The following TPRG1 variants were observed in gnomAD, a reference collection of about 807,000 sequenced individuals.
The protein encoded by TPRG1 is tumor protein p63 regulated 1, also known as tumor protein p63-regulated gene 1 protein.
TPRG1 carries 29 observed loss-of-function variants against 29.3 expected under a neutral mutation model. The observed-to-expected ratio is 0.99, with a 90% CI of 0.74 to 1.35. TPRG1 has a LOEUF of 1.35. TPRG1 is among the 40% of genes most tolerant of loss of function. The pLI is 0.00. For synonymous variants in TPRG1, 130 were observed against 116.8 expected, an observed-to-expected ratio of 1.11 and a Z score of -0.73; for missense variants, 327 against 335.0, an observed-to-expected ratio of 0.98 and a Z score of 0.19.
chr3:189,062,402 T>C (rs1322172258), intron 4 of TPRG1, among the ~76,000 whole-genome samples: 1 of 152,120 alleles, frequency 6.6e-6, no homozygotes, highest in African/African-American at 2.4e-5. Flanking sequence ...AGTTTAACTA[T>C]ATGTCAAACC....
chr3:189,163,942 G>T (rs755514624), intron 5 of TPRG1, among the ~76,000 whole-genome samples: 3 of 135,942 alleles, frequency 2.2e-5, no homozygotes, highest in Non-Finnish European at 4.6e-5. Flanking sequence ...ATAGTCTTTG[G>T]TTCTCAAAAA....
intron 4 of TPRG1, among the ~76,000 whole-genome samples, chr3:189,272,695 C>CTTTCTTTCTTTCTTTCTTTCTT (rs770742123): frequency 1.4e-4 from 19 of 137,624 alleles, no homozygotes; most frequent in African/African-American, 5.5e-4. Context: ...TTCTTTCTTT[C>CTTTCTTTCTTTCTTTCTTTCTT]TCTTTCTTTC....
intron 4 of TPRG1, among the ~76,000 whole-genome samples, chr3:189,089,540 G>T (rs142918953): frequency 6.6e-6 from 1 of 152,186 alleles, no homozygotes; most frequent in East Asian, 1.9e-4. Flanking sequence ...AGCTATGGAG[G>T]CTGAGAAGTC....
chr3:189,246,803 TC>T (rs1214527780), intron 4 of TPRG1, among the ~76,000 whole-genome samples: 5 of 152,204 alleles, frequency 3.3e-5, no homozygotes, highest in African/African-American at 1.2e-4. Context: ...TTCAGAACTT[TC>T]AAGACGTTGT....
chr3:189,149,295 A>G (rs1006327378), intron 4 of TPRG1, among the ~76,000 whole-genome samples: 2 of 152,210 alleles, frequency 1.3e-5, no homozygotes, highest in Non-Finnish European at 2.9e-5. Flanking sequence ...CATGTTAAGT[A>G]TCTACAGCAT....
rs116462857 is a variant in TPRG1, at chr3:189,320,715, G to A, written c.723G>A (p.Val241=). 1,071 of 1,597,976 alleles carry A rather than the reference G, an allele frequency of 6.7e-4. 8 individuals are homozygous for A. In the African/African-American group the frequency reaches 0.012, roughly 18 times the overall value. Residue 241 remains valine (V), a synonymous_variant, in exon 6 of 6, where the codon GTG becomes GTA. Transcript: ENST00000345063. ...CTGGAAGAGGAAAGAAACTGATGGT[G>A]TTAACTGAACCCATTTTGATTGAGA... ...TGSGRGKKLM[V]LTEPILIETY...
chr3:189,234,448 T>G (rs977649500), intron 3 of TPRG1, among the ~76,000 whole-genome samples: 1 of 152,252 alleles, frequency 6.6e-6, no homozygotes, highest in Non-Finnish European at 1.5e-5. Flanking sequence ...GATTATTTTG[T>G]TGTTGATACA....
intron 4 of TPRG1, among the ~76,000 whole-genome samples, chr3:189,043,276 G>C (rs1578233376): frequency 2.6e-5 from 4 of 152,152 alleles, no homozygotes; most frequent in African/African-American, 9.7e-5. Flanking sequence ...CAACATGATG[G>C]GGATACAGAT....
At chr3:189,212,769 A>T (rs187912991) in intron 2 of TPRG1, among the ~76,000 whole-genome samples, 188 of 152,286 alleles carry the variant, frequency 1.2e-3, no homozygotes, top group African/African-American at 4.2e-3. Flanking sequence ...GTCTGCAGAG[A>T]CATTCTTTTC....
chr3:189,002,534 C>T (rs1321346803), intron 2 of TPRG1, among the ~76,000 whole-genome samples: 1 of 152,130 alleles, frequency 6.6e-6, no homozygotes, highest in Middle Eastern at 3.2e-3. Context: ...GGCCATTGGA[C>T]AGATTCCATA....
chr3:189,207,883 C>T (rs1734649163), intron 2 of TPRG1, among the ~76,000 whole-genome samples: 1 of 152,172 alleles, frequency 6.6e-6, no homozygotes, highest in African/African-American at 2.4e-5. Flanking sequence ...TCTCAAAGAA[C>T]TAGTATTCCA....
At chr3:189,225,281 G>T (rs1224445957) in intron 3 of TPRG1, among the ~76,000 whole-genome samples, 1 of 152,154 alleles carries the variant, frequency 6.6e-6, no homozygotes, top group Non-Finnish European at 1.5e-5. Context: ...CTTGAAATCA[G>T]TTGTGACAGT....
intron 4 of TPRG1, among the ~76,000 whole-genome samples, chr3:189,305,459 C>T (rs1721480302): frequency 6.6e-6 from 1 of 152,214 alleles, no homozygotes; most frequent in Non-Finnish European, 1.5e-5. Context: ...ATTTGTTTTT[C>T]ATGACTGTGT....
chr3:189,248,249 A>G (rs1289133103), intron 4 of TPRG1, among the ~76,000 whole-genome samples: 4 of 151,812 alleles, frequency 2.6e-5, no homozygotes, highest in African/African-American at 9.7e-5. Context: ...TTATTAGAAG[A>G]TCACTTAGTT....
rs1560702853 is a variant in TPRG1 at position 189,320,929 on chromosome 3, G to A, written c.*109G>A. 3.9e-5 allele frequency: 41 copies of A among 1,039,384 alleles called. No homozygotes were observed. Among genetic ancestry groups the A allele is most frequent in the Non-Finnish European group, 4.9e-5 (37 of 753,464 alleles). The allele number at this position is 1,039,384 out of a possible 1,614,324, so 64.4% of individuals were successfully genotyped here. On this transcript the variant is annotated 3_prime_UTR_variant, in exon 6 of 6. Coordinates refer to ENST00000345063, the MANE Select transcript of TPRG1 (RefSeq NM_198485.4). ...AAACAATTAATTATTTTTAAATGAC[G>A]CTTTATGATTTAGAAATTTAGTATT...
Position 189,215,489 on chromosome 3 carries a change from A to G in TPRG1, c.302+106A>G. On this transcript the variant is annotated intron_variant, in intron 3 of 5. Transcript: ENST00000345063. ...CTGTGGTAGAATTTCTCTGGTTGCT[A>G]CATAAGATAAATGATTGAATTACCA... 4 of 941,644 alleles carry G rather than the reference A, an allele frequency of 4.2e-6. No individual in the cohort carries two copies. The South Asian group carries it at 6.1e-5, about 14-fold the overall frequency. 58.3% of individuals were successfully genotyped at this position (941,644 alleles called of 1,614,324 possible).
intron 4 of TPRG1, among the ~76,000 whole-genome samples, chr3:189,032,504 C>T (rs114496187): frequency 0.012 from 1,862 of 152,090 alleles, 36 homozygotes; most frequent in African/African-American, 0.041. Context: ...CTCGTACATA[C>T]GAATCAAGTG....
intron 4 of TPRG1, among the ~76,000 whole-genome samples, chr3:189,041,238 T>A (rs1047895897): frequency 6.6e-5 from 10 of 152,190 alleles, no homozygotes; most frequent in Non-Finnish European, 1.5e-4. Flanking sequence ...GAGGATCATT[T>A]CATAAGCTGG....
intron 3 of TPRG1, among the ~76,000 whole-genome samples, chr3:189,009,196 G>A (rs1306395251): frequency 6.6e-6 from 1 of 152,064 alleles, no homozygotes; most frequent in Non-Finnish European, 1.5e-5. Flanking sequence ...CTGGCTATGA[G>A]AGCTACAGAG....
Sources: gnomAD v4.1 joint callset for allele counts (sites outside exome capture counted in the v4.1 genomes callset) on GRCh38, gnomAD v4.1.1 for gene constraint, MANE v1.5 for transcripts, NCBI Gene and HGNC (gene_info 2026-07-23, HGNC 2026-07-21) for gene names.